NAV2: variants seen among roughly 807,000 people sequenced by gnomAD.
NAV2 encodes the protein helicase, APC down-regulated 1.
NAV2 carries 54 observed loss-of-function variants against 223.2 expected under a neutral mutation model. That is an observed-to-expected ratio of 0.24 (90% CI 0.19 to 0.30). The LOEUF (loss-of-function observed/expected upper bound fraction) is 0.30. NAV2 is among the 10% of genes least tolerant of loss of function. The pLI, the probability that NAV2 is intolerant of heterozygous loss-of-function variation, is 1.00. For missense variants in NAV2, 2,806 were observed against 3,147.5 expected (o/e 0.89, Z 2.60); for synonymous variants, 1,279 against 1,239.3 (o/e 1.03, Z -0.67).
chr11:20,079,110 C>T (rs989257386), intron 24 of NAV2, among the ~76,000 whole-genome samples: 5 of 152,044 alleles, frequency 3.3e-5, no homozygotes, highest in South Asian at 2.1e-4. Context: ...GCATGATCTC[C>T]GCTCACTGTA....
chr11:20,068,395 A>G lies in NAV2; in HGVS notation c.4980A>G (p.Ala1660=), dbSNP rs777850186. 2 of 1,613,270 alleles carry G rather than the reference A, an allele frequency of 1.2e-6. No individual in the cohort carries two copies. The highest frequency in any genetic ancestry group is 1.7e-6 in the Non-Finnish European group (2 of 1,179,172). Reference sequence around the variant, plus strand: ...CAGCTTTGACCACCCAGCTGACAGCAAATGTAAGTACAGACATAGGGCAGT... The same window carrying G: ...CAGCTTTGACCACCCAGCTGACAGCGAATGTAAGTACAGACATAGGGCAGT... ...KVSALTTQLT[A]NAHLVAAFEQ... The change falls in exon 22 of 38, where the codon GCA becomes GCG. Residue 1660 remains alanine, a synonymous_variant. Coordinates refer to ENST00000349880, the MANE Select transcript of NAV2 (RefSeq NM_145117.5).
intron 8 of NAV2, among the ~76,000 whole-genome samples, chr11:19,944,623 CTTT>C (rs1307226531): frequency 8.4e-6 from 1 of 119,324 alleles, no homozygotes; most frequent in African/African-American, 3.1e-5. Context: ...CTTTCTTTTT[CTTT>C]TTTCTTTCCT....
At chr11:19,404,467 G>A (rs912864810) in intron 1 of NAV2, among the ~76,000 whole-genome samples, 1 of 152,332 alleles carries the variant, frequency 6.6e-6, no homozygotes, top group South Asian at 2.1e-4. Flanking sequence ...GGGTGGGAAA[G>A]ATCAGAATTC....
At chr11:19,750,125 G>C (rs181574661) in intron 1 of NAV2, among the ~76,000 whole-genome samples, 13 of 152,176 alleles carry the variant, frequency 8.5e-5, no homozygotes, top group Non-Finnish European at 1.3e-4. Flanking sequence ...TCCCTTGCCT[G>C]TGTCTGGGTG....
intron 1 of NAV2, among the ~76,000 whole-genome samples, chr11:19,680,556 G>A (rs79674818): frequency 6.6e-6 from 1 of 152,162 alleles, no homozygotes; most frequent in Non-Finnish European, 1.5e-5. Flanking sequence ...TTCTGCTTAG[G>A]GAAGCAAGGA....
intron 22 of NAV2, among the ~76,000 whole-genome samples, chr11:20,071,980 G>A (rs2153645196): frequency 6.6e-6 from 1 of 152,212 alleles, no homozygotes; most frequent in African/African-American, 2.4e-5. Context: ...TGTTCCCATT[G>A]CTTTTGATAT....
At chr11:20,025,367 CAG>C (rs2153542462) in intron 11 of NAV2, among the ~76,000 whole-genome samples, 1 of 152,306 alleles carries the variant, frequency 6.6e-6, no homozygotes, top group East Asian at 1.9e-4. Context: ...TTCTGGTAAA[CAG>C]AAAACTAGGA....
At chr11:19,664,843 A>G (rs552171483) in intron 1 of NAV2, among the ~76,000 whole-genome samples, 1 of 152,320 alleles carries the variant, frequency 6.6e-6, no homozygotes, top group East Asian at 1.9e-4. Context: ...TGTGTTTGCA[A>G]TGTGCTAGAC....
At chr11:19,817,410 T>C (rs1565366664) in intron 1 of NAV2, among the ~76,000 whole-genome samples, 1 of 152,166 alleles carries the variant, frequency 6.6e-6, no homozygotes, top group African/African-American at 2.4e-5. Flanking sequence ...TAGTAAGCCC[T>C]GATGGAATGG....
At chr11:19,768,940 G>C (rs1394124295) in intron 1 of NAV2, among the ~76,000 whole-genome samples, 1 of 152,166 alleles carries the variant, frequency 6.6e-6, no homozygotes, top group African/African-American at 2.4e-5. Context: ...GAACCTATGA[G>C]GAGGGTATTT....
At chr11:19,901,130 G>T (rs1189323986) in intron 6 of NAV2, among the ~76,000 whole-genome samples, 1 of 152,182 alleles carries the variant, frequency 6.6e-6, no homozygotes, top group Non-Finnish European at 1.5e-5. Context: ...ATTACAAACT[G>T]AGTCCTTCTA....
chr11:19,412,481 G>A lies in NAV2; in HGVS notation c.75+61454G>A, dbSNP rs558217962. Among the ~76,000 whole-genome samples, 254 of 152,288 alleles carry A rather than the reference G, an allele frequency of 1.7e-3. 1 individual carries two copies. Among genetic ancestry groups the A allele is most frequent in the African/African-American group, 5.7e-3 (237 of 41,560 alleles). The stretch of plus-strand genomic sequence containing the variant: ...GGACAGAGCACCTGGGGGAAGGGGC[G>A]GCTGTGGGCACAGTTTCAGCAGACT... On this transcript the variant is annotated intron_variant, in intron 1 of 37. Transcript: ENST00000360655.
chr11:19,634,199 C>G (rs1283972085), intron 1 of NAV2, among the ~76,000 whole-genome samples: 1 of 152,180 alleles, frequency 6.6e-6, no homozygotes, highest in African/African-American at 2.4e-5. Flanking sequence ...TGCTCTCATA[C>G]CCCCATTGTC....
At chr11:19,375,664 A>AGAATTACAT (rs530672982) in intron 1 of NAV2, among the ~76,000 whole-genome samples, 465 of 152,340 alleles carry the variant, frequency 3.1e-3, no homozygotes, top group Middle Eastern at 0.01. Flanking sequence ...ATTTATCTAC[A>AGAATTACAT]GAATTACATG....
Position 20,106,175 on chromosome 11 carries a change from A to ATATATATATATGTGTGTG in NAV2, c.6841+449_6841+450insATATATATATGTGTGTGT, listed in dbSNP as rs11267537. 7.0e-4 allele frequency among the ~76,000 whole-genome samples: 25 copies of ATATATATATATGTGTGTG among 35,816 alleles called. 1 individual carries two copies. The highest frequency in any genetic ancestry group is 5.3e-3 in the East Asian group (5 of 940). 23.5% of individuals were successfully genotyped at this position (35,816 alleles called of 152,430 possible). A position where few individuals can be genotyped will look rare whatever the true frequency, so the allele number is the denominator to read the frequency against. ...TGTGTGTATATATATATATATATAT[A>ATATATATATATGTGTGTG]TGTGTGTGTATATATATATATATAT... On this transcript the variant is annotated intron_variant, in intron 35 of 37. Transcript: ENST00000349880.
At chr11:19,949,263 T>C (rs1163440454) in intron 10 of NAV2, among the ~76,000 whole-genome samples, 183 bp downstream of exon 10, 1 of 152,220 alleles carries the variant, frequency 6.6e-6, no homozygotes, top group African/African-American at 2.4e-5. Context: ...TCTGAAGGCC[T>C]GGGTAGTCCA....
chr11:20,096,842 G>A (rs760459008), intron 30 of NAV2, among the ~76,000 whole-genome samples: 13 of 152,122 alleles, frequency 8.5e-5, no homozygotes, highest in South Asian at 2.1e-4. Flanking sequence ...CCGATTCTCC[G>A]ACCTAGGCCA....
In NAV2 at chr11:20,103,584, C is replaced by T. The variant is rs2061801244; in HGVS notation, c.6573-69C>T. The T allele has an allele frequency of 5.8e-6, 9 of 1,564,746 alleles. No homozygotes were observed. The South Asian group carries it at 7.8e-5, about 14-fold the overall frequency. On this transcript the variant is annotated intron_variant, in intron 33 of 37. Transcript: ENST00000349880. ...GGCCTGGAAGCACAGGGCCATGGGC[C>T]TCTGTGACCACCTTGTTCTCTAGCT...
intron 1 of NAV2, among the ~76,000 whole-genome samples, chr11:19,616,234 C>T (rs892533778): frequency 7.3e-5 from 11 of 151,454 alleles, no homozygotes; most frequent in African/African-American, 2.2e-4. Context: ...CTGAGTATTT[C>T]TGTGTTTGTA....
Sources: gnomAD v4.1 joint callset for allele counts (sites outside exome capture counted in the v4.1 genomes callset) on GRCh38, gnomAD v4.1.1 for gene constraint, MANE v1.5 for transcripts, NCBI Gene and HGNC (gene_info 2026-07-23, HGNC 2026-07-21) for gene names.